Variants in ICA1 observed in about 807,000 individuals in gnomAD.
The protein encoded by ICA1 is 69 kDa islet cell autoantigen.
In ICA1, 40 loss-of-function variants were observed where a neutral mutation model predicts 71.0. The observed-to-expected ratio is 0.56, with a 90% CI of 0.44 to 0.73. The LOEUF (loss-of-function observed/expected upper bound fraction) is 0.73. Ranked by LOEUF, ICA1 falls within the 30% of genes least tolerant of loss-of-function variation. The pLI is 0.00. For missense variants in ICA1, 578 were observed against 576.5 expected (o/e 1.00, Z -0.03); for synonymous variants, 207 against 209.5 (o/e 0.99, Z 0.10).
intron 13 of ICA1, among the ~76,000 whole-genome samples, chr7:8,121,172 T>C (rs1786768792): frequency 1.3e-5 from 2 of 152,164 alleles, no homozygotes; most frequent in Admixed American, 6.5e-5. Flanking sequence ...GCTAAGCAGA[T>C]GGCAGGACTA....
intron 12 of ICA1, among the ~76,000 whole-genome samples, chr7:8,137,222 G>A (rs1374697298): frequency 2.0e-5 from 3 of 151,842 alleles, no homozygotes; most frequent in Non-Finnish European, 2.9e-5. Context: ...ATTATAAGTC[G>A]GCTTTTGTCC....
At chr7:8,250,061 C>G (rs1007835505) in intron 1 of ICA1, among the ~76,000 whole-genome samples, 1 of 152,188 alleles carries the variant, frequency 6.6e-6, no homozygotes, top group African/African-American at 2.4e-5. Flanking sequence ...ACATGGGGTC[C>G]TCCACTTGCC....
At chr7:8,114,739 G>C (rs1220630939) in intron 13 of ICA1, 1 of 152,186 alleles carries the variant, frequency 6.6e-6, no homozygotes, top group Non-Finnish European at 1.5e-5. Flanking sequence ...TTCCAGATGA[G>C]GAGAACATTT....
chr7:8,145,764 A>ATATATATT (rs55971486), intron 8 of ICA1, among the ~76,000 whole-genome samples: 1 of 136,322 alleles, frequency 7.3e-6, no homozygotes, highest in Non-Finnish European at 1.6e-5. Flanking sequence ...ATATATATAT[A>ATATATATT]TATGTATATA....
At chr7:8,177,489 A>G (rs1236104291) in intron 6 of ICA1, among the ~76,000 whole-genome samples, 2 of 152,220 alleles carry the variant, frequency 1.3e-5, no homozygotes, top group South Asian at 2.1e-4. Flanking sequence ...TGAGAAGCAC[A>G]TATTTCAGCA....
intron 6 of ICA1, among the ~76,000 whole-genome samples, chr7:8,195,254 T>C (rs1040789563): frequency 1.3e-5 from 2 of 152,184 alleles, no homozygotes; most frequent in Non-Finnish European, 2.9e-5. Context: ...AAAATGGGGC[T>C]GGGTGCGGTG....
At chr7:8,152,570 C>A (rs968800270) in intron 8 of ICA1, among the ~76,000 whole-genome samples, 639 of 145,930 alleles carry the variant, frequency 4.4e-3, no homozygotes, top group Non-Finnish European at 7.1e-3. Flanking sequence ...CCACCACCAC[C>A]ACCACCATCT....
intron 1 of ICA1, among the ~76,000 whole-genome samples, chr7:8,243,535 C>T (rs1420526487): frequency 1.3e-5 from 2 of 152,200 alleles, no homozygotes; most frequent in African/African-American, 4.8e-5. Context: ...CTCACCACTC[C>T]CATTCAACAT....
At chr7:8,147,818 T>A (rs115690286) in intron 8 of ICA1, among the ~76,000 whole-genome samples, 1 of 151,994 alleles carries the variant, frequency 6.6e-6, no homozygotes, top group African/African-American at 2.4e-5. Flanking sequence ...CCTTGAATAA[T>A]GTCATTTTGT....
rs1248293218 is a variant in ICA1, at chr7:8,240,955, T to G, written c.-79-4950A>C. Among the ~76,000 whole-genome samples, 3 of 152,154 alleles carry G rather than the reference T, an allele frequency of 2.0e-5. No individual in the cohort carries two copies. The East Asian group carries it at 5.8e-4, about 29-fold the overall frequency. ...TATGCTTGACTGGTGTACCTGAAAGTGACGGGGAGAATGGAACCAAGCTGG... is the reference window on the plus strand; with the variant it reads ...TATGCTTGACTGGTGTACCTGAAAGGGACGGGGAGAATGGAACCAAGCTGG... On this transcript the variant is annotated intron_variant, in intron 1 of 13. Coordinates refer to ENST00000402384, the MANE Select transcript of ICA1 (RefSeq NM_001136020.3).
At chr7:8,199,012 T>A (rs1036456683) in intron 6 of ICA1, among the ~76,000 whole-genome samples, 4 of 152,224 alleles carry the variant, frequency 2.6e-5, no homozygotes, top group Admixed American at 2.6e-4. Context: ...TCGTTCATCA[T>A]CAGAGAAATG....
In ICA1 at chr7:8,222,020, G is replaced by C. The variant is rs1797264842; in HGVS notation, c.257-622C>G. Among the ~76,000 whole-genome samples, 1 of 152,060 alleles carries C rather than the reference G, an allele frequency of 6.6e-6. No individual in the cohort carries two copies. Among genetic ancestry groups the C allele is most frequent in the Non-Finnish European group, 1.5e-5 (1 of 68,006 alleles). On this transcript the variant is annotated intron_variant, in intron 4 of 13. Coordinates refer to ENST00000402384, the MANE Select transcript of ICA1 (RefSeq NM_001136020.3). The surrounding 1 kb of genome is among the most constrained non-coding windows in gnomAD (Gnocchi z 4.8). ...TTATTTTTAAAGACAACCTCAGATG[G>C]TATTATTGGTGGGTAAGTGATTTGG... is the stretch of plus-strand genomic sequence containing the variant.
chr7:8,122,669 G>C (rs1787465936), intron 13 of ICA1, among the ~76,000 whole-genome samples: 1 of 152,240 alleles, frequency 6.6e-6, no homozygotes, highest in South Asian at 2.1e-4. Context: ...AATGGCAGGA[G>C]GTGAGCACTG....
At chr7:8,251,806 AAAATT>A in intron 1 of ICA1, among the ~76,000 whole-genome samples, 1 of 152,324 alleles carries the variant, frequency 6.6e-6, no homozygotes, top group East Asian at 1.9e-4. Context: ...ATATTATTGT[AAAATT>A]TTTAAATATT....
rs966182599 is a variant in ICA1, at chr7:8,199,845, G to A, written c.579+18460C>T. Reference sequence around the variant, plus strand: ...CATTGCATGTTCTCACTTATTTGTGGAACCTAAACATCAAAACAATTGAAC... The same window carrying A: ...CATTGCATGTTCTCACTTATTTGTGAAACCTAAACATCAAAACAATTGAAC... On this transcript the variant is annotated intron_variant, in intron 6 of 13. Coordinates refer to ENST00000402384, the MANE Select transcript of ICA1 (RefSeq NM_001136020.3). Among the ~76,000 whole-genome samples the A allele has an allele frequency of 2.6e-4, 40 of 152,182 alleles. 1 individual carries two copies. The highest frequency in any genetic ancestry group is 2.5e-3 in the Admixed American group (38 of 15,278).
chr7:8,160,786 C>G (rs1209530286), intron 6 of ICA1, among the ~76,000 whole-genome samples: 1 of 152,210 alleles, frequency 6.6e-6, no homozygotes, highest in African/African-American at 2.4e-5. Context: ...CGGTTCTCCA[C>G]TGCAGAGCAA....
chr7:8,180,076 T>C (rs950725894), intron 6 of ICA1, among the ~76,000 whole-genome samples: 1 of 152,094 alleles, frequency 6.6e-6, no homozygotes, highest in Admixed American at 6.6e-5. Flanking sequence ...TACAGTTTTT[T>C]TTGCTCCATA....
At chr7:8,172,338 C>T (rs914836833) in intron 6 of ICA1, among the ~76,000 whole-genome samples, 1 of 152,004 alleles carries the variant, frequency 6.6e-6, no homozygotes, top group African/African-American at 2.4e-5. Flanking sequence ...ATCCTTATTT[C>T]TGGTAATAGT....
intron 12 of ICA1, among the ~76,000 whole-genome samples, chr7:8,135,708 C>T (rs926838488): frequency 6.6e-6 from 1 of 152,204 alleles, no homozygotes; most frequent in Non-Finnish European, 1.5e-5. Flanking sequence ...AATTTAGAAT[C>T]ACAAGTCTAG....
Sources: gnomAD v4.1 joint callset for allele counts (sites outside exome capture counted in the v4.1 genomes callset) on GRCh38, gnomAD v4.1.1 for gene constraint, Gnocchi (gnomAD v3.1) non-coding constraint, MANE v1.5 for transcripts, NCBI Gene and HGNC (gene_info 2026-07-23, HGNC 2026-07-21) for gene names.